DCC: variants seen among roughly 807,000 people sequenced by gnomAD.
The protein encoded by DCC is DCC netrin 1 receptor, also known as netrin receptor DCC.
Under a neutral mutation model 172.5 loss-of-function variants are expected in DCC, and 58 were observed. The observed-to-expected ratio is 0.34, with a 90% CI of 0.27 to 0.42. The LOEUF (loss-of-function observed/expected upper bound fraction) is 0.42, where lower values mean the gene tolerates loss of function less well. DCC is among the 10% of genes least tolerant of loss of function. DCC has a pLI of 1.00. For synonymous variants in DCC, 709 were observed against 644.5 expected (o/e 1.10, Z -1.52); for missense variants, 1,740 against 1,791.0 (o/e 0.97, Z 0.51).
intron 1 of DCC, among the ~76,000 whole-genome samples, chr18:52,372,560 A>G (rs1024961566): frequency 4.6e-5 from 7 of 152,194 alleles, no homozygotes; most frequent in African/African-American, 1.7e-4. Flanking sequence ...ATTACATGGC[A>G]GTGACCCTGA....
At chr18:52,971,354 G>A (rs2041027088) in intron 5 of DCC, among the ~76,000 whole-genome samples, 1 of 152,140 alleles carries the variant, frequency 6.6e-6, no homozygotes. Context: ...ATTGTGGCCT[G>A]TTTAGCAATG....
intron 1 of DCC, among the ~76,000 whole-genome samples, chr18:52,478,453 A>G (rs369757911): frequency 5.3e-5 from 8 of 152,196 alleles, no homozygotes; most frequent in Non-Finnish European, 7.3e-5. Flanking sequence ...ATTGTAGAGG[A>G]ATGTTCAGTG....
chr18:53,246,692 T>C (rs2056369038), intron 12 of DCC, among the ~76,000 whole-genome samples: 1 of 152,132 alleles, frequency 6.6e-6, no homozygotes, highest in Non-Finnish European at 1.5e-5. Context: ...CAAGAACAGT[T>C]TCCCAAAGCA....
chr18:52,534,541 A>G (rs531224165), intron 1 of DCC, among the ~76,000 whole-genome samples: 1 of 152,246 alleles, frequency 6.6e-6, no homozygotes, highest in South Asian at 2.1e-4. Flanking sequence ...AGATGTATTC[A>G]TTTATTGCGC....
intron 5 of DCC, among the ~76,000 whole-genome samples, chr18:52,943,856 T>G (rs1389720722): frequency 6.6e-6 from 1 of 152,142 alleles, no homozygotes; most frequent in African/African-American, 2.4e-5. Context: ...TTCAAGTGAT[T>G]CTCCTGCCTC....
chr18:53,177,123 G>T (rs2055111241), intron 8 of DCC, among the ~76,000 whole-genome samples: 1 of 148,612 alleles, frequency 6.7e-6, no homozygotes, highest in Admixed American at 6.9e-5. Context: ...GGTGGGAATT[G>T]AACAATGAGA....
intron 2 of DCC, among the ~76,000 whole-genome samples, chr18:52,803,479 C>A (rs764211959): frequency 6.6e-6 from 1 of 151,940 alleles, no homozygotes; most frequent in Non-Finnish European, 1.5e-5. Flanking sequence ...TGAACGGTGC[C>A]ATGTACTGTC....
chr18:53,180,210 C>T (rs1407030562), intron 9 of DCC, among the ~76,000 whole-genome samples: 2 of 152,282 alleles, frequency 1.3e-5, no homozygotes, highest in East Asian at 3.9e-4. Flanking sequence ...GAATCTCCAT[C>T]CTTTCTTTCA....
intron 12 of DCC, among the ~76,000 whole-genome samples, chr18:53,283,341 AAAG>A (rs1268761512): frequency 6.6e-6 from 1 of 152,156 alleles, no homozygotes; most frequent in African/African-American, 2.4e-5. Context: ...TCCAGGAAAG[AAAG>A]AAGGACTCAT....
chr18:53,137,896 G>A (rs1244895363), intron 7 of DCC, among the ~76,000 whole-genome samples: 1 of 151,794 alleles, frequency 6.6e-6, no homozygotes. Flanking sequence ...GCTCACTGCA[G>A]TTGCTGCCTC....
intron 5 of DCC, among the ~76,000 whole-genome samples, chr18:52,932,191 AT>A (rs1463407556): frequency 1.3e-5 from 2 of 152,110 alleles, no homozygotes; most frequent in African/African-American, 4.8e-5. Context: ...CAAAAGTGGT[AT>A]TTTTCCATTC....
intron 2 of DCC, among the ~76,000 whole-genome samples, chr18:52,789,042 A>G (rs1297634620): frequency 7.2e-6 from 1 of 139,444 alleles, no homozygotes; most frequent in Non-Finnish European, 1.6e-5. Flanking sequence ...AAAAGTGCAA[A>G]GAGTTAACTA....
intron 1 of DCC, among the ~76,000 whole-genome samples, chr18:52,518,762 G>A (rs144310472): frequency 2.8e-4 from 42 of 152,302 alleles, no homozygotes; most frequent in African/African-American, 9.1e-4. Context: ...CATAAACTGA[G>A]AATGTTTGAA....
chr18:52,475,798 C>T (rs1028826139), intron 1 of DCC, among the ~76,000 whole-genome samples: 1 of 152,106 alleles, frequency 6.6e-6, no homozygotes, highest in African/African-American at 2.4e-5. Context: ...TTTCTCAAAA[C>T]AACATTTTTT....
At chr18:53,351,481 T>C (rs1350749876) in intron 15 of DCC, among the ~76,000 whole-genome samples, 1 of 71,404 alleles carries the variant, frequency 1.4e-5, no homozygotes, top group Non-Finnish European at 2.8e-5. Context: ...TATATATATA[T>C]ATATATATAG....
chr18:52,803,584 A>T (rs1349581623), intron 2 of DCC, among the ~76,000 whole-genome samples: 1 of 152,314 alleles, frequency 6.6e-6, no homozygotes, highest in East Asian at 1.9e-4. Flanking sequence ...TTTAGAGTAT[A>T]ACTTAGTTTT....
chr18:52,436,778 G>A (rs755175230), intron 1 of DCC, among the ~76,000 whole-genome samples: 13 of 152,070 alleles, frequency 8.5e-5, no homozygotes, highest in Non-Finnish European at 1.6e-4. Context: ...AAATCAGCTA[G>A]GCATGGTGGT....
intron 15 of DCC, among the ~76,000 whole-genome samples, chr18:53,346,905 AT>A (rs1031880717): frequency 6.6e-6 from 1 of 152,098 alleles, no homozygotes; most frequent in Non-Finnish European, 1.5e-5. Flanking sequence ...ATCCTTGAAA[AT>A]TTTTTGATAT....
chr18:52,929,949 T>G (rs939099498), intron 5 of DCC, among the ~76,000 whole-genome samples: 2 of 152,048 alleles, frequency 1.3e-5, no homozygotes, highest in African/African-American at 4.8e-5. Context: ...CATCTTTCTT[T>G]GTGTGTGCCT....
Sources: allele counts gnomAD v4.1 joint callset (sites outside exome capture counted in the v4.1 genomes callset), GRCh38; gene constraint gnomAD v4.1.1; transcripts MANE v1.5; gene names NCBI Gene and HGNC (gene_info 2026-07-23, HGNC 2026-07-21).